The following CNTN4 variants were observed in gnomAD, a reference collection of about 807,000 sequenced individuals.
The protein encoded by CNTN4 is contactin-4.
CNTN4 carries 77 observed loss-of-function variants against 122.5 expected under a neutral mutation model. The observed-to-expected ratio is 0.63, with a 90% CI of 0.52 to 0.76. The LOEUF (loss-of-function observed/expected upper bound fraction) is 0.76. CNTN4 is among the 30% of genes least tolerant of loss of function. The pLI, the probability that CNTN4 is intolerant of heterozygous loss-of-function variation, is 0.00. For synonymous variants in CNTN4, 512 were observed against 447.0 expected (o/e 1.15, Z -1.83); for missense variants, 1,256 against 1,259.1 (o/e 1.00, Z 0.04).
chr3:2,810,213 C>T (rs1022869715), intron 6 of CNTN4, among the ~76,000 whole-genome samples: 3 of 152,028 alleles, frequency 2.0e-5, no homozygotes, highest in Non-Finnish European at 4.4e-5. Flanking sequence ...GTAATAGAAC[C>T]CACCTCAAAG....
chr3:2,172,990 A>C (rs755534469), intron 2 of CNTN4, among the ~76,000 whole-genome samples: 18 of 152,196 alleles, frequency 1.2e-4, no homozygotes, highest in Non-Finnish European at 2.1e-4. Context: ...AGATCAGAAC[A>C]ACTATCAGTG....
chr3:2,422,241 C>CA (rs774909046), intron 3 of CNTN4, among the ~76,000 whole-genome samples: 2 of 152,200 alleles, frequency 1.3e-5, no homozygotes, highest in Non-Finnish European at 2.9e-5. Context: ...ACCTGGGTTC[C>CA]AATACCAGTT....
chr3:2,719,164 A>G (rs1309847514), intron 4 of CNTN4, among the ~76,000 whole-genome samples: 3 of 152,210 alleles, frequency 2.0e-5, no homozygotes, highest in Admixed American at 6.5e-5. Flanking sequence ...TGTATCCTCT[A>G]CATGTGAAAC....
intron 13 of CNTN4, among the ~76,000 whole-genome samples, chr3:2,943,079 A>G (rs1049753447): frequency 6.6e-6 from 1 of 152,138 alleles, no homozygotes; most frequent in African/African-American, 2.4e-5. Flanking sequence ...GGTGTATACT[A>G]TACAGTAGGG....
At chr3:2,669,734 C>T (rs932478842) in intron 4 of CNTN4, among the ~76,000 whole-genome samples, 1 of 152,122 alleles carries the variant, frequency 6.6e-6, no homozygotes, top group African/African-American at 2.4e-5. Context: ...GCATTTAGTG[C>T]TATAAATTTC....
intron 3 of CNTN4, among the ~76,000 whole-genome samples, chr3:2,407,072 C>T (rs1050449381): frequency 4.6e-5 from 7 of 152,238 alleles, no homozygotes; most frequent in Non-Finnish European, 7.4e-5. Flanking sequence ...TATCTTTCTT[C>T]GTCTAACTCA....
At chr3:2,706,459 T>C (rs1179597200) in intron 4 of CNTN4, among the ~76,000 whole-genome samples, 1 of 152,194 alleles carries the variant, frequency 6.6e-6, no homozygotes, top group Non-Finnish European at 1.5e-5. Context: ...AGTATTATAA[T>C]TTGACTCTGA....
intron 7 of CNTN4, among the ~76,000 whole-genome samples, chr3:2,864,384 C>CAGAGG (rs934908053): frequency 4.6e-5 from 7 of 151,970 alleles, no homozygotes; most frequent in African/African-American, 1.7e-4. Context: ...CCGCAGAATT[C>CAGAGG]AGAGAGCCTT....
intron 7 of CNTN4, among the ~76,000 whole-genome samples, chr3:2,833,013 TA>T (rs920754820): frequency 1.7e-4 from 26 of 151,542 alleles, no homozygotes; most frequent in East Asian, 1.4e-3. Flanking sequence ...TACTTAGTGA[TA>T]AAAAAAAATT....
intron 2 of CNTN4, among the ~76,000 whole-genome samples, chr3:2,130,400 T>C (rs1005544964): frequency 4.6e-5 from 7 of 152,170 alleles, no homozygotes; most frequent in African/African-American, 1.4e-4. Flanking sequence ...ACAATATGAG[T>C]GAACAGCAAA....
intron 16 of CNTN4, among the ~76,000 whole-genome samples, chr3:3,031,224 AC>A (rs939278500): frequency 6.6e-6 from 1 of 152,186 alleles, no homozygotes; most frequent in Non-Finnish European, 1.5e-5. Flanking sequence ...TAAATCGAGT[AC>A]CCGATTACGG....
At chr3:2,143,762 C>T (rs927648999) in intron 2 of CNTN4, among the ~76,000 whole-genome samples, 2 of 152,150 alleles carry the variant, frequency 1.3e-5, no homozygotes, top group Non-Finnish European at 2.9e-5. Flanking sequence ...TATGTTGTTA[C>T]AAGTGCAGAA....
intron 2 of CNTN4, among the ~76,000 whole-genome samples, chr3:2,169,756 T>C (rs910505218): frequency 6.6e-6 from 1 of 152,134 alleles, no homozygotes; most frequent in African/African-American, 2.4e-5. Flanking sequence ...AACAATTCAC[T>C]GTAAACAGTA....
At chr3:2,713,483 G>A (rs189030728) in intron 4 of CNTN4, among the ~76,000 whole-genome samples, 37 of 152,268 alleles carry the variant, frequency 2.4e-4, no homozygotes, top group African/African-American at 6.5e-4. Flanking sequence ...AACTTAGCAC[G>A]GCCTGTTTGT....
chr3:2,986,385 GT>G (rs1256136583), intron 13 of CNTN4, among the ~76,000 whole-genome samples: 2 of 152,168 alleles, frequency 1.3e-5, no homozygotes, highest in Non-Finnish European at 2.9e-5. Context: ...AGTTAAGTAA[GT>G]TGTCTTTAGT....
At chr3:2,729,543 CAAAAA>C (rs377584644) in intron 4 of CNTN4, among the ~76,000 whole-genome samples, 2 of 70,050 alleles carry the variant, frequency 2.9e-5, no homozygotes, top group African/African-American at 6.5e-5. Context: ...GACTCCATCT[CAAAAA>C]AAAAAAAAAA....
At chr3:2,390,820 C>T (rs1019214950) in intron 3 of CNTN4, among the ~76,000 whole-genome samples, 2 of 152,116 alleles carry the variant, frequency 1.3e-5, no homozygotes, top group Non-Finnish European at 2.9e-5. Context: ...TTATTTGTTT[C>T]TTGCACTTGG....
At chr3:2,627,567 C>T (rs576800212) in intron 4 of CNTN4, among the ~76,000 whole-genome samples, 85 of 148,818 alleles carry the variant, frequency 5.7e-4, no homozygotes, top group African/African-American at 2.1e-3. Context: ...AATCTCGGCT[C>T]ACTGCAAGCT....
At chr3:2,541,324 A>G (rs949134558) in intron 3 of CNTN4, among the ~76,000 whole-genome samples, 6 of 152,092 alleles carry the variant, frequency 3.9e-5, no homozygotes, top group Non-Finnish European at 7.4e-5. Flanking sequence ...AAAATAGACA[A>G]TATTAAAGCA....
Sources: allele counts gnomAD v4.1 joint callset (sites outside exome capture counted in the v4.1 genomes callset), GRCh38; gene constraint gnomAD v4.1.1; transcripts MANE v1.5; gene names NCBI Gene and HGNC (gene_info 2026-07-23, HGNC 2026-07-21).